Variants in PRAC2 observed in about 807,000 individuals in gnomAD.
The protein encoded by PRAC2 is PRAC2 small nuclear protein, also known as protein PRAC2.
For synonymous variants in PRAC2, 43 were observed against 49.5 expected, an observed-to-expected ratio of 0.87 and a Z score of 0.55; for missense variants, 92 against 114.5, an observed-to-expected ratio of 0.80 and a Z score of 0.90.
upstream of PRAC2, chr17:48,722,009 G>A (rs1292152913): frequency 8.0e-7 from 1 of 1,242,480 alleles, no homozygotes; most frequent in Non-Finnish European, 1.1e-6. Flanking sequence ...AAGTCTTATG[G>A]CAGACCTTAC....
chr17:48,721,798 TG>T, upstream of PRAC2: 1 of 1,538,274 alleles, frequency 6.5e-7, no homozygotes, highest in South Asian at 1.2e-5. Context: ...GGAACTCCTG[TG>T]CTCAAGGAAT....
chr17:48,720,319 G>A (rs189752211), upstream of PRAC2, among the ~76,000 whole-genome samples: 1 of 152,314 alleles, frequency 6.6e-6, no homozygotes, highest in Admixed American at 6.5e-5. Context: ...TAGCTCACCC[G>A]GAGTAAGGAT....
At chr17:48,719,304 G>T (rs2038123652), upstream of PRAC2, among the ~76,000 whole-genome samples, 1 of 152,166 alleles carries the variant, frequency 6.6e-6, no homozygotes, top group Non-Finnish European at 1.5e-5. Context: ...GCAGTCGGCG[G>T]GTCGCCTGGA....
upstream of PRAC2, among the ~76,000 whole-genome samples, chr17:48,720,935 G>T (rs1374249222): frequency 6.6e-6 from 1 of 152,148 alleles, no homozygotes. Context: ...TAGAGGTTAA[G>T]CGCTCCTGTT....
chr17:48,723,387 G>A (rs2038166912), intron 1 of PRAC2, 74 bp downstream of exon 1: 3 of 287,152 alleles, frequency 1.0e-5, no homozygotes, highest in Non-Finnish European at 1.9e-5. Context: ...TGGGGCCGGG[G>A]GGCACAGGGT....
At chr17:48,724,067 T>C (rs1292824249) in intron 1 of PRAC2, among the ~76,000 whole-genome samples, 1 of 152,242 alleles carries the variant, frequency 6.6e-6, no homozygotes, top group Non-Finnish European at 1.5e-5. Flanking sequence ...GCTCATTGTC[T>C]GGATTCACCT....
chr17:48,720,546 C>G (rs549315162), upstream of PRAC2, among the ~76,000 whole-genome samples: 68 of 152,302 alleles, frequency 4.5e-4, no homozygotes, highest in African/African-American at 1.6e-3. Flanking sequence ...GGAATAAAAT[C>G]CTCTGGCCTC....
chr17:48,724,520 C>T lies in PRAC2; in HGVS notation c.110C>T (p.Ser37Leu). 1.6e-6 allele frequency: 2 copies of T among 1,233,406 alleles called. No individual in the cohort carries two copies. Among genetic ancestry groups the T allele is most frequent in the Non-Finnish European group, 2.0e-6 (2 of 988,102 alleles). 76.4% of individuals were successfully genotyped at this position (1,233,406 alleles called of 1,614,324 possible). The change falls in exon 2 of 2, where the codon TCG (serine) becomes TTG (leucine). Residue 37 changes from serine to leucine, a missense_variant. Transcript: ENST00000422730. ...CTCCTTGCCTTCTTCCTGGGTCTCT[C>T]GGGGGCTGGACCAATACATCTGCCG... ...PNLLAFFLGL[S>L]GAGPIHLPMP...
At chr17:48,723,955 T>C (rs929877520) in intron 1 of PRAC2, among the ~76,000 whole-genome samples, 2 of 152,300 alleles carry the variant, frequency 1.3e-5, no homozygotes, top group East Asian at 1.9e-4. Flanking sequence ...AGGGGAACGG[T>C]CTGGAGGGCA....
At position 48,724,735 on chromosome 17, in the gene PRAC2, G is replaced by A; in HGVS notation, c.*52G>A. 1.0e-6 allele frequency: 1 copy of A among 956,432 alleles called. No homozygotes were observed. The highest frequency in any genetic ancestry group is 3.8e-4 in the Middle Eastern group (1 of 2,660). The allele number at this position is 956,432 out of a possible 1,614,324, so 59.2% of individuals were successfully genotyped here. ...TCTTTTTAATGGTCCTAACACACCA[G>A]TGGAATAAATCTCTAAGATTCCACA... On this transcript the variant is annotated 3_prime_UTR_variant, in exon 2 of 2. Coordinates refer to ENST00000422730, the MANE Select transcript of PRAC2 (RefSeq NM_001282275.2).
At chr17:48,723,676 C>T (rs1455620965) in intron 1 of PRAC2, 1 of 1,230,612 alleles carries the variant, frequency 8.1e-7, no homozygotes, top group African/African-American at 1.6e-5. Flanking sequence ...TTCCCGGAAG[C>T]GCTAGCCAGC....
chr17:48,718,985 C>A (rs2038120083), upstream of PRAC2, among the ~76,000 whole-genome samples: 1 of 152,160 alleles, frequency 6.6e-6, no homozygotes, highest in Non-Finnish European at 1.5e-5. Flanking sequence ...ATCTTATTAG[C>A]CGGTGTCGCT....
upstream of PRAC2, among the ~76,000 whole-genome samples, chr17:48,720,561 C>T (rs903728724): frequency 6.6e-6 from 1 of 152,178 alleles, no homozygotes; most frequent in Admixed American, 6.5e-5. Flanking sequence ...GGCCTCAGGT[C>T]ACATATGGGG....
At chr17:48,722,022 C>G, upstream of PRAC2, 1 of 1,133,420 alleles carries the variant, frequency 8.8e-7, no homozygotes, top group Admixed American at 2.8e-5. Flanking sequence ...GACCTTACAG[C>G]GGGTGCTAGT....
upstream of PRAC2, among the ~76,000 whole-genome samples, chr17:48,720,722 T>G (rs144851278): frequency 6.6e-6 from 1 of 152,210 alleles, no homozygotes; most frequent in Non-Finnish European, 1.5e-5. Flanking sequence ...TGTCCACACG[T>G]GTTTAATCCC....
upstream of PRAC2, among the ~76,000 whole-genome samples, chr17:48,719,176 G>A (rs2143032729): frequency 6.6e-6 from 1 of 151,680 alleles, no homozygotes; most frequent in African/African-American, 2.4e-5. Context: ...CCAGGATCCT[G>A]AATTCTTTAA....
Position 48,724,326 on chromosome 17 carries a change from A to G in PRAC2, c.-83-2A>G. The G allele has an allele frequency of 8.1e-7, 1 of 1,230,284 alleles. No individual in the cohort carries two copies. The highest frequency in any genetic ancestry group is 4.1e-5 in the South Asian group (1 of 24,314). 76.2% of individuals were successfully genotyped at this position (1,230,284 alleles called of 1,614,324 possible). On this transcript the variant is annotated splice_acceptor_variant, in intron 1 of 1. Coordinates refer to ENST00000422730, the MANE Select transcript of PRAC2 (RefSeq NM_001282275.2). LOFTEE classifies it low-confidence loss of function (5UTR_SPLICE). ...AAACGAAATTAAATATTTTTTGCAC[A>G]GGTTCCATACAAGTAAATCCGAAAA...
At chr17:48,721,064 T>A (rs2038140545), upstream of PRAC2, among the ~76,000 whole-genome samples, 1 of 152,204 alleles carries the variant, frequency 6.6e-6, no homozygotes, top group South Asian at 2.1e-4. Context: ...AGGAGCCAGC[T>A]GTGGGGAGAA....
upstream of PRAC2, among the ~76,000 whole-genome samples, chr17:48,719,986 G>A (rs1306784516): frequency 6.6e-6 from 1 of 152,188 alleles, no homozygotes; most frequent in Non-Finnish European, 1.5e-5. Flanking sequence ...AAACCTGCCT[G>A]GAATGGGAGG....
Sources: gnomAD v4.1 joint callset for allele counts (sites outside exome capture counted in the v4.1 genomes callset) on GRCh38, gnomAD v4.1.1 for gene constraint, MANE v1.5 for transcripts, NCBI Gene and HGNC (gene_info 2026-07-23, HGNC 2026-07-21) for gene names.